The following AP4S1 variants were observed in gnomAD, a reference collection of about 807,000 sequenced individuals.
AP4S1 encodes AP-4 complex subunit sigma-1.
A neutral mutation model predicts 19.8 loss-of-function variants in AP4S1; 23 were observed. The observed-to-expected ratio is 1.16, with a 90% CI of 0.84 to 1.65. The LOEUF (loss-of-function observed/expected upper bound fraction) is 1.65. AP4S1 is among the 40% of genes most tolerant of loss of function. The pLI, the probability that AP4S1 is intolerant of heterozygous loss-of-function variation, is 0.00. For missense variants in AP4S1, 166 were observed against 172.8 expected, an observed-to-expected ratio of 0.96 and a Z score of 0.22; for synonymous variants, 46 against 54.1, an observed-to-expected ratio of 0.85 and a Z score of 0.66.
In AP4S1 at chr14:31,049,427, AAATATATATATATATAT is replaced by A. The variant is rs1414248735; in HGVS notation, c.-71-16697_-71-16681del. ...AGACTCGGTCTCAAAAAAAAAAAAA[AAATATATATATATATAT>A]ATATATATATATATATATGTATATA... is the stretch of plus-strand genomic sequence containing the variant. On this transcript the variant is annotated intron_variant, in intron 1 of 5. Coordinates refer to ENST00000542754, the MANE Select transcript of AP4S1 (RefSeq NM_001128126.3). Among the ~76,000 whole-genome samples the A allele has an allele frequency of 5.5e-3, 180 of 32,962 alleles. 5 individuals carry two copies. The highest frequency in any genetic ancestry group is 0.028 in the African/African-American group (168 of 6,080). 21.6% of individuals were successfully genotyped at this position (32,962 alleles called of 152,430 possible).
chr14:31,059,228 C>T (rs996677902), intron 1 of AP4S1, among the ~76,000 whole-genome samples: 2 of 152,182 alleles, frequency 1.3e-5, no homozygotes, highest in Admixed American at 6.6e-5. Context: ...AAGATATATG[C>T]AAGTCTTTAG....
At chr14:31,056,803 G>A (rs1886145546) in intron 1 of AP4S1, among the ~76,000 whole-genome samples, 1 of 152,150 alleles carries the variant, frequency 6.6e-6, no homozygotes, top group African/African-American at 2.4e-5. Context: ...ATTTGGCTGG[G>A]CACAATGTCA....
chr14:31,050,191 G>C (rs1345783207), intron 1 of AP4S1, among the ~76,000 whole-genome samples: 1 of 152,190 alleles, frequency 6.6e-6, no homozygotes, highest in Non-Finnish European at 1.5e-5. Context: ...CAAAGTGCTG[G>C]GATTACAGGC....
chr14:31,028,868 AGAGT>A (rs1264630558), intron 1 of AP4S1, among the ~76,000 whole-genome samples: 2 of 152,158 alleles, frequency 1.3e-5, no homozygotes, highest in East Asian at 3.9e-4. Context: ...GGTGAAAGAG[AGAGT>A]GAGATTCCAT....
chr14:31,028,936 A>G (rs1173142884), intron 1 of AP4S1, among the ~76,000 whole-genome samples: 2 of 152,222 alleles, frequency 1.3e-5, no homozygotes, highest in Non-Finnish European at 2.9e-5. Context: ...TGACCTGATG[A>G]TAGCATCAAA....
At chr14:31,032,108 G>A (rs767745384) in intron 1 of AP4S1, among the ~76,000 whole-genome samples, 3 of 151,432 alleles carry the variant, frequency 2.0e-5, no homozygotes, top group South Asian at 2.1e-4. Flanking sequence ...AGAGCTGGGC[G>A]CGGTGGCTCA....
intron 3 of AP4S1, 40 bp from the exon 4 acceptor site, chr14:31,072,865 C>T (rs759446072): frequency 1.1e-5 from 17 of 1,533,954 alleles, no homozygotes; most frequent in South Asian, 4.5e-5. Context: ...ACATGGGAAG[C>T]GACACTAAAA....
chr14:31,053,949 T>C (rs1885958086), intron 1 of AP4S1, among the ~76,000 whole-genome samples: 1 of 152,192 alleles, frequency 6.6e-6, no homozygotes, highest in Non-Finnish European at 1.5e-5. Flanking sequence ...AAACATTGGA[T>C]ATATCTTTGG....
chr14:31,073,042 T>G lies in AP4S1; in HGVS notation c.294+69T>G, dbSNP rs558061533. The G allele has an allele frequency of 2.3e-6, 3 of 1,299,052 alleles. No homozygotes were observed. In the African/African-American group the frequency reaches 4.4e-5, roughly 19 times the overall value. The allele number at this position is 1,299,052 out of a possible 1,614,324, so 80.5% of individuals were successfully genotyped here. A position where few individuals can be genotyped will look rare whatever the true frequency, so the allele number is the denominator to read the frequency against. Reference sequence around the variant, plus strand: ...TTCCCAGAAATTGAGTCTCTTTGGATCTATATCAAGAACATGTGTTAATAC... The same window carrying G: ...TTCCCAGAAATTGAGTCTCTTTGGAGCTATATCAAGAACATGTGTTAATAC... On this transcript the variant is annotated intron_variant, in intron 4 of 5. Coordinates refer to ENST00000542754, the MANE Select transcript of AP4S1 (RefSeq NM_001128126.3).
chr14:31,067,631 G>A (rs532789989), intron 2 of AP4S1, among the ~76,000 whole-genome samples: 36 of 150,924 alleles, frequency 2.4e-4, no homozygotes, highest in Non-Finnish European at 3.2e-4. Context: ...CGATTCTCCC[G>A]CCTCAGCCTC....
At chr14:31,039,575 T>G (rs1254634842) in intron 1 of AP4S1, among the ~76,000 whole-genome samples, 1 of 144,498 alleles carries the variant, frequency 6.9e-6, no homozygotes, top group Non-Finnish European at 1.6e-5. Flanking sequence ...TAGTTTTGTT[T>G]TTTTTTTTTT....
At chr14:31,075,866 A>T (rs1382517373) in intron 4 of AP4S1, among the ~76,000 whole-genome samples, 5 of 151,586 alleles carry the variant, frequency 3.3e-5, no homozygotes, top group Admixed American at 3.3e-4. Context: ...CAGCCTCTCG[A>T]GTAGCTGGGA....
chr14:31,049,473 G>GTATATA (rs1885650534), intron 1 of AP4S1, among the ~76,000 whole-genome samples: 1 of 42,958 alleles, frequency 2.3e-5, no homozygotes, highest in African/African-American at 1.1e-4. Context: ...GTATATATAT[G>GTATATA]TACACACACA....
chr14:31,051,127 A>G (rs1287652293), intron 1 of AP4S1, among the ~76,000 whole-genome samples: 1 of 151,826 alleles, frequency 6.6e-6, no homozygotes, highest in African/African-American at 2.4e-5. Context: ...GTGGTGGTGC[A>G]TGCCTGTGGT....
intron 2 of AP4S1, among the ~76,000 whole-genome samples, chr14:31,067,473 C>A (rs1718419404): frequency 2.1e-5 from 3 of 140,204 alleles, no homozygotes; most frequent in Middle Eastern, 3.5e-3. Context: ...CACCCTGTGT[C>A]CAAGTGTTCT....
intron 5 of AP4S1, 52 bp downstream of exon 5, chr14:31,080,636 C>A: frequency 6.2e-7 from 1 of 1,612,084 alleles, no homozygotes; most frequent in Non-Finnish European, 8.5e-7. Context: ...GCACTCTGGT[C>A]CTTATCAGGT....
chr14:31,048,089 T>C lies in AP4S1; in HGVS notation c.-71-18037T>C, dbSNP rs890371479. On this transcript the variant is annotated intron_variant, in intron 1 of 5. Coordinates refer to ENST00000542754, the MANE Select transcript of AP4S1 (RefSeq NM_001128126.3). ...TGACATAAAAGTATAAATATATTTC[T>C]TTAATTTTTTTTTTTTTTTTTGAGA... is the stretch of plus-strand genomic sequence containing the variant. Among the ~76,000 whole-genome samples, 5 of 151,588 alleles carry C rather than the reference T, an allele frequency of 3.3e-5. No individual in the cohort carries two copies. The South Asian group carries it at 6.2e-4, about 19-fold the overall frequency.
intron 2 of AP4S1, 52 bp from the exon 3 acceptor site, chr14:31,069,791 A>C (rs1272910357): frequency 7.3e-7 from 1 of 1,378,386 alleles, no homozygotes; most frequent in East Asian, 2.3e-5. Flanking sequence ...ATGTCATTTT[A>C]AAGAACTCTC....
chr14:31,025,110 C>A (rs1202773511), upstream of AP4S1: 2 of 152,172 alleles, frequency 1.3e-5, no homozygotes, highest in Non-Finnish European at 2.9e-5. Flanking sequence ...AATATTAAAT[C>A]TCTTCAGTCG....
Sources: allele counts gnomAD v4.1 joint callset (sites outside exome capture counted in the v4.1 genomes callset), GRCh38; gene constraint gnomAD v4.1.1; transcripts MANE v1.5; gene names NCBI Gene and HGNC (gene_info 2026-07-23, HGNC 2026-07-21).